The following UBE4B variants were observed in gnomAD, a reference collection of about 807,000 sequenced individuals.
The protein encoded by UBE4B is ubiquitin conjugation factor E4 B.
In UBE4B, 27 loss-of-function variants were observed where a neutral mutation model predicts 148.1. The ratio of observed to expected loss-of-function variants is 0.18; its 90% confidence interval spans 0.13 to 0.25. The LOEUF is 0.25. Among genes scored for constraint, UBE4B ranks in the 10% least tolerant of loss-of-function variants. The pLI is 1.00. For missense variants in UBE4B, 1,170 were observed against 1,662.4 expected, an observed-to-expected ratio of 0.70 and a Z score of 5.15; for synonymous variants, 596 against 619.3, an observed-to-expected ratio of 0.96 and a Z score of 0.56.
chr1:10,150,443 T>C (rs1348938474), intron 20 of UBE4B, among the ~76,000 whole-genome samples: 1 of 152,254 alleles, frequency 6.6e-6, no homozygotes, highest in Non-Finnish European at 1.5e-5. Flanking sequence ...AAAATTTTTA[T>C]GTTTTGGTAG....
rs936503025 is a variant in UBE4B at position 10,161,963 on chromosome 1, C to T, written c.3198+677C>T. 6.6e-6 allele frequency among the ~76,000 whole-genome samples: 1 copy of T among 150,666 alleles called. No individual in the cohort carries two copies. The highest frequency in any genetic ancestry group is 2.4e-5 in the African/African-American group (1 of 40,950). Reference sequence around the variant, plus strand: ...AGAACTGATTTCCATAAGGGGTTCTCATGTCAAAGTGGGGACTGCTTTTTC... The same window carrying T: ...AGAACTGATTTCCATAAGGGGTTCTTATGTCAAAGTGGGGACTGCTTTTTC... On this transcript the variant is annotated intron_variant, in intron 23 of 27. Transcript: ENST00000343090. The surrounding 1 kb of genome is among the most constrained non-coding windows in gnomAD (Gnocchi z 4.1).
intron 1 of UBE4B, among the ~76,000 whole-genome samples, chr1:10,067,995 TG>T (rs1644417983): frequency 6.6e-6 from 1 of 151,856 alleles, no homozygotes; most frequent in East Asian, 1.9e-4. Flanking sequence ...CCCAAAGTGC[TG>T]GGATTACAGG....
intron 2 of UBE4B, among the ~76,000 whole-genome samples, chr1:10,093,367 C>G (rs780923562): frequency 6.6e-6 from 1 of 152,046 alleles, no homozygotes; most frequent in Non-Finnish European, 1.5e-5. Context: ...ATTAATGAAT[C>G]AAAAGTTTTA....
chr1:10,085,673 C>G (rs1363136824), intron 2 of UBE4B, among the ~76,000 whole-genome samples: 2 of 152,092 alleles, frequency 1.3e-5, no homozygotes, highest in African/African-American at 4.8e-5. Flanking sequence ...AACATCAGTT[C>G]TATCATTTTA....
chr1:10,035,465 C>T lies in UBE4B; in HGVS notation c.24+1771C>T, dbSNP rs548402468. Among the ~76,000 whole-genome samples, 3 of 129,004 alleles carry T rather than the reference C, an allele frequency of 2.3e-5. No homozygotes were observed. In the South Asian group the frequency reaches 8.1e-4, roughly 35 times the overall value. The allele number at this position is 129,004 out of a possible 152,430, so 84.6% of individuals were successfully genotyped here. ...AGGCTGGAGTGCAGTGGCGCTATCTCAGCTCACTGCAAGCTCTGCCTCCCG... is the reference window on the plus strand; with the variant it reads ...AGGCTGGAGTGCAGTGGCGCTATCTTAGCTCACTGCAAGCTCTGCCTCCCG... On this transcript the variant is annotated intron_variant, in intron 1 of 27. Transcript: ENST00000343090.
intron 21 of UBE4B, among the ~76,000 whole-genome samples, chr1:10,151,829 A>G (rs1645980226): frequency 6.6e-6 from 1 of 152,094 alleles, no homozygotes; most frequent in Admixed American, 6.6e-5. Flanking sequence ...CCAGGGTATC[A>G]AGAGCACAAG....
intron 1 of UBE4B, among the ~76,000 whole-genome samples, chr1:10,045,600 A>G (rs1643896400): frequency 6.6e-6 from 1 of 152,198 alleles, no homozygotes; most frequent in Non-Finnish European, 1.5e-5. Context: ...ATGAGGGTAC[A>G]CCTGTGGACA....
intron 10 of UBE4B, 76 bp from the exon 11 acceptor site, chr1:10,126,718 A>C: frequency 7.8e-7 from 1 of 1,278,532 alleles, no homozygotes; most frequent in African/African-American, 1.5e-5. Context: ...ATTCAGTTCT[A>C]GCACCTTATT....
intron 1 of UBE4B, among the ~76,000 whole-genome samples, chr1:10,045,075 C>T (rs780128618): frequency 2.0e-5 from 3 of 152,174 alleles, no homozygotes; most frequent in East Asian, 1.9e-4. Context: ...GTAGATCCCT[C>T]GCGTGCAGAA....
intron 25 of UBE4B, among the ~76,000 whole-genome samples, chr1:10,172,023 G>T (rs192225984): frequency 6.6e-6 from 1 of 152,162 alleles, no homozygotes; most frequent in Non-Finnish European, 1.5e-5. Context: ...AAAAGAGCCC[G>T]GTTTCTCAAG....
In UBE4B at chr1:10,171,173, T is replaced by C. The variant is rs1012424221; in HGVS notation, c.3369T>C (p.Phe1123=). ...LGPRLAAMLN[F]NLQQLCGPKC... ...CCCGATTGGCTGCAATGCTGAACTT[T>C]AATCTTCAGCAACTTTGTGGCCCCA... Residue 1123 remains phenylalanine, a synonymous_variant, in exon 25 of 28, where the codon TTT becomes TTC. Coordinates refer to ENST00000343090, the MANE Select transcript of UBE4B (RefSeq NM_001105562.3). 2.5e-6 allele frequency: 4 copies of C among 1,614,078 alleles called. No individual in the cohort carries two copies. Among genetic ancestry groups the C allele is most frequent in the Admixed American group, 1.7e-5 (1 of 59,988 alleles).
rs777413135 is a variant in UBE4B at position 10,130,568 on chromosome 1, C to G, written c.1764C>G (p.Leu588=). 4 of 1,614,086 alleles carry G rather than the reference C, an allele frequency of 2.5e-6. No individual in the cohort carries two copies. The highest frequency in any genetic ancestry group is 1.1e-5 in the South Asian group (1 of 91,090). The change falls in exon 13 of 28, where the codon CTC becomes CTG. Residue 588 remains leucine (L), a synonymous_variant. Transcript: ENST00000343090. The part of the protein sequence containing the change: ...SPGCGRELQR[L]SYLGAFFSFS... ...GCTGTGGGCGGGAGCTGCAGAGACT[C>G]TCTTACTTAGGGGCTTTCTTTAGCT...
chr1:10,107,823 C>G (rs1225053721), intron 7 of UBE4B, among the ~76,000 whole-genome samples: 2 of 152,060 alleles, frequency 1.3e-5, no homozygotes, highest in African/African-American at 4.8e-5. Context: ...AGTGATCTGC[C>G]CGTCTTGGCC....
At chr1:10,092,666 A>T (rs1184515244) in intron 2 of UBE4B, among the ~76,000 whole-genome samples, 1 of 152,126 alleles carries the variant, frequency 6.6e-6, no homozygotes, top group Non-Finnish European at 1.5e-5. Context: ...CATCTCTACT[A>T]AAAGTACAAA....
chr1:10,040,063 A>G (rs1643695801), intron 1 of UBE4B, among the ~76,000 whole-genome samples: 1 of 151,942 alleles, frequency 6.6e-6, no homozygotes, highest in African/African-American at 2.4e-5. Context: ...AGAAGGATAG[A>G]TAAGGGTTGA....
At chr1:10,063,441 T>A (rs1262603991) in intron 1 of UBE4B, among the ~76,000 whole-genome samples, 1 of 152,190 alleles carries the variant, frequency 6.6e-6, no homozygotes, top group Non-Finnish European at 1.5e-5. Flanking sequence ...AGGCCTGAAA[T>A]CTAGATTATT....
Position 10,115,738 on chromosome 1 carries a change from C to T in UBE4B, c.1197-1721C>T, listed in dbSNP as rs991218973. Among the ~76,000 whole-genome samples the T allele has an allele frequency of 2.6e-5, 4 of 152,132 alleles. No individual in the cohort carries two copies. The East Asian group carries it at 7.7e-4, about 29-fold the overall frequency. On this transcript the variant is annotated intron_variant, in intron 7 of 27. Coordinates refer to ENST00000343090, the MANE Select transcript of UBE4B (RefSeq NM_001105562.3). ...ACATCATAGAGTATACTTACACAAC[C>T]TAGATCATACAGCCTACTACACACC...
intron 14 of UBE4B, among the ~76,000 whole-genome samples, chr1:10,131,695 C>T (rs1051042157): frequency 6.6e-6 from 1 of 152,106 alleles, no homozygotes; most frequent in African/African-American, 2.4e-5. Flanking sequence ...AACCTCGTCA[C>T]TGCTAAAAAT....
intron 23 of UBE4B, among the ~76,000 whole-genome samples, chr1:10,164,733 TC>T (rs1434070773): frequency 6.6e-6 from 1 of 152,184 alleles, no homozygotes; most frequent in Non-Finnish European, 1.5e-5. Flanking sequence ...CCCTGGCTGT[TC>T]CTGCTCATCT....
Sources: allele counts gnomAD v4.1 joint callset (sites outside exome capture counted in the v4.1 genomes callset), GRCh38; gene constraint gnomAD v4.1.1; non-coding constraint Gnocchi (gnomAD v3.1); transcripts MANE v1.5; gene names NCBI Gene and HGNC (gene_info 2026-07-23, HGNC 2026-07-21).